The following MAPK10 variants were observed in gnomAD, a reference collection of about 807,000 sequenced individuals.
The protein encoded by MAPK10 is JNK3 alpha protein kinase.
In MAPK10, 25 loss-of-function variants were observed where a neutral mutation model predicts 59.3. That is an observed-to-expected ratio of 0.42 (90% CI 0.31 to 0.59). The LOEUF is 0.59. Ranked by LOEUF, MAPK10 falls within the 20% of genes least tolerant of loss-of-function variation. The pLI is 0.15. For missense variants in MAPK10, 351 were observed against 568.9 expected (o/e 0.62, Z 3.90); for synonymous variants, 190 against 200.5 (o/e 0.95, Z 0.44).
intron 1 of MAPK10, among the ~76,000 whole-genome samples, chr4:86,391,788 C>T (rs1352063419): frequency 6.6e-6 from 1 of 152,162 alleles, no homozygotes; most frequent in Non-Finnish European, 1.5e-5. Flanking sequence ...TGACGTGAAC[C>T]ATTGTCTTTT....
chr4:86,019,679 C>T (rs1745348643), intron 13 of MAPK10, among the ~76,000 whole-genome samples: 1 of 152,162 alleles, frequency 6.6e-6, no homozygotes, highest in Admixed American at 6.6e-5. Context: ...TTTAGTGTCA[C>T]TATGATGGAC....
intron 1 of MAPK10, among the ~76,000 whole-genome samples, chr4:86,420,633 C>T (rs1379271628): frequency 2.6e-5 from 4 of 151,868 alleles, no homozygotes; most frequent in Non-Finnish European, 5.9e-5. Context: ...ACAAAAAATA[C>T]AAAATATTAC....
intron 1 of MAPK10, among the ~76,000 whole-genome samples, chr4:86,526,322 A>G: frequency 6.6e-6 from 1 of 152,072 alleles, no homozygotes; most frequent in Non-Finnish European, 1.5e-5. Context: ...CCAGGAGTGT[A>G]TTCATTTCCC....
chr4:86,591,078 C>T (rs1171527986), intron 1 of MAPK10, among the ~76,000 whole-genome samples: 1 of 151,906 alleles, frequency 6.6e-6, no homozygotes, highest in Non-Finnish European at 1.5e-5. Context: ...TTATATTTTA[C>T]ATTATGTATG....
At chr4:86,184,841 C>A (rs1285037451) in intron 3 of MAPK10, among the ~76,000 whole-genome samples, 1 of 152,152 alleles carries the variant, frequency 6.6e-6, no homozygotes, top group African/African-American at 2.4e-5. Context: ...AACCTCTTTT[C>A]TCTATAAATT....
intron 2 of MAPK10, among the ~76,000 whole-genome samples, chr4:86,264,142 T>C (rs1169936049): frequency 6.6e-6 from 1 of 152,228 alleles, no homozygotes; most frequent in African/African-American, 2.4e-5. Flanking sequence ...AAAATGTGTT[T>C]TAATTTTGAA....
chr4:86,560,279 C>T (rs1049975883), intron 1 of MAPK10, among the ~76,000 whole-genome samples: 1 of 152,064 alleles, frequency 6.6e-6, no homozygotes, highest in African/African-American at 2.4e-5. Context: ...CGTTAGCAAA[C>T]CTCAATTGGT....
At chr4:86,104,251 A>G (rs2056123950) in intron 5 of MAPK10, among the ~76,000 whole-genome samples, 1 of 152,166 alleles carries the variant, frequency 6.6e-6, no homozygotes, top group Admixed American at 6.5e-5. Context: ...TTGAGAAATT[A>G]TTGACAAAAA....
chr4:86,297,609 C>T (rs533619198), intron 2 of MAPK10, among the ~76,000 whole-genome samples: 79 of 152,282 alleles, frequency 5.2e-4, no homozygotes, highest in African/African-American at 1.9e-3. Flanking sequence ...CTGCACCCAG[C>T]CTATATAGAG....
At chr4:86,086,170 CTTAAAA>C (rs1446969346) in intron 9 of MAPK10, among the ~76,000 whole-genome samples, 5 of 151,956 alleles carry the variant, frequency 3.3e-5, no homozygotes, top group African/African-American at 9.7e-5. Flanking sequence ...TACCCTGGAA[CTTAAAA>C]TTAAAATTAA....
In MAPK10 at chr4:86,015,064, A is replaced by T. The variant is rs951419286; in HGVS notation, c.*2164T>A. 9 of 151,782 alleles carry T rather than the reference A, an allele frequency of 5.9e-5. No individual in the cohort carries two copies. Among genetic ancestry groups the T allele is most frequent in the Non-Finnish European group, 1.2e-4 (8 of 67,974 alleles). 9.4% of individuals were successfully genotyped at this position (151,782 alleles called of 1,614,324 possible). Reference sequence around the variant, plus strand: ...AGAGAGGGAGCTCAAGTGACTGAGGAGGCATTTTTAACAATCAGGTTATCT... The same window carrying T: ...AGAGAGGGAGCTCAAGTGACTGAGGTGGCATTTTTAACAATCAGGTTATCT... On this transcript the variant is annotated 3_prime_UTR_variant, in exon 14 of 14. Transcript: ENST00000641462.
chr4:86,311,279 T>C (rs2095664645), intron 2 of MAPK10, among the ~76,000 whole-genome samples: 1 of 152,112 alleles, frequency 6.6e-6, no homozygotes, highest in Non-Finnish European at 1.5e-5. Flanking sequence ...TCCTAGGCTC[T>C]CGTCTTATTA....
intron 1 of MAPK10, among the ~76,000 whole-genome samples, chr4:86,483,862 T>C (rs1330150285): frequency 6.6e-6 from 1 of 152,096 alleles, no homozygotes; most frequent in Non-Finnish European, 1.5e-5. Flanking sequence ...CTTTCTATGA[T>C]TGAGGGCTTT....
chr4:86,358,676 G>A (rs529956554), intron 1 of MAPK10: 1 of 152,256 alleles, frequency 6.6e-6, no homozygotes, highest in African/African-American at 2.4e-5. Flanking sequence ...GGGAGGGTGA[G>A]AAAAATATAT....
intron 10 of MAPK10, 93 bp downstream of exon 10, chr4:86,067,680 G>A (rs2148994258): frequency 1.1e-5 from 12 of 1,059,090 alleles, no homozygotes; most frequent in African/African-American, 3.2e-5. Context: ...AAATAAAAGG[G>A]AACAAAGAGA....
chr4:86,588,113 G>A (rs1222821378), intron 1 of MAPK10, among the ~76,000 whole-genome samples: 1 of 152,142 alleles, frequency 6.6e-6, no homozygotes, highest in Non-Finnish European at 1.5e-5. Context: ...GCTCCATTAT[G>A]TGGTTGTCCA....
intron 13 of MAPK10, among the ~76,000 whole-genome samples, chr4:86,018,308 A>G (rs921959431): frequency 6.6e-6 from 1 of 152,024 alleles, no homozygotes; most frequent in Non-Finnish European, 1.5e-5. Context: ...CTTAAAATGC[A>G]TATAGAAAAG....
At chr4:86,117,372 TAC>T (rs2058446677) in intron 4 of MAPK10, among the ~76,000 whole-genome samples, 1 of 152,204 alleles carries the variant, frequency 6.6e-6, no homozygotes. Context: ...CAGTGATCAC[TAC>T]ACCCTGTCTT....
intron 1 of MAPK10, among the ~76,000 whole-genome samples, chr4:86,549,433 A>G (rs1400568929): frequency 6.6e-6 from 1 of 152,208 alleles, no homozygotes; most frequent in East Asian, 1.9e-4. Flanking sequence ...TTGTAACACA[A>G]TGGTATTTGT....
Sources: allele counts gnomAD v4.1 joint callset (sites outside exome capture counted in the v4.1 genomes callset), GRCh38; gene constraint gnomAD v4.1.1; transcripts MANE v1.5; gene names NCBI Gene and HGNC (gene_info 2026-07-23, HGNC 2026-07-21).